NID1: variants seen among roughly 807,000 people sequenced by gnomAD.
NID1 encodes the protein nidogen-1.
Under a neutral mutation model 130.6 loss-of-function variants are expected in NID1, and 76 were observed. The observed-to-expected ratio is 0.58, with a 90% CI of 0.48 to 0.70. The LOEUF is 0.70. Ranked by LOEUF, NID1 falls within the 30% of genes least tolerant of loss-of-function variation. The probability of loss-of-function intolerance (pLI) is 0.00; values close to 1 mark genes in which losing one functional copy is unlikely to be tolerated. For missense variants in NID1, 1,517 were observed against 1,664.8 expected (o/e 0.91, Z 1.54); for synonymous variants, 665 against 675.1 (o/e 0.98, Z 0.23).
intron 1 of NID1, among the ~76,000 whole-genome samples, chr1:236,056,324 G>A (rs999745739): frequency 6.6e-6 from 1 of 152,098 alleles, no homozygotes; most frequent in African/African-American, 2.4e-5. Flanking sequence ...TGTTCGTGAA[G>A]ACCCACTTTA....
intron 1 of NID1, among the ~76,000 whole-genome samples, chr1:236,054,281 C>T (rs887933422): frequency 2.0e-4 from 30 of 152,114 alleles, no homozygotes; most frequent in African/African-American, 7.0e-4. Flanking sequence ...CATGGTGAAA[C>T]CCTGTGTCTA....
chr1:236,042,845 C>T (rs900778281), intron 3 of NID1, among the ~76,000 whole-genome samples: 3 of 152,158 alleles, frequency 2.0e-5, no homozygotes, highest in African/African-American at 7.2e-5. Flanking sequence ...TAGACAGTTT[C>T]AGGATGGGGG....
chr1:235,999,620 TCTTCTTACTCATCTAGTTCGAGCTG>T (rs1442222843), intron 12 of NID1, among the ~76,000 whole-genome samples: 2 of 152,142 alleles, frequency 1.3e-5, no homozygotes, highest in Non-Finnish European at 2.9e-5. Flanking sequence ...CAGACAAGCG[TCTTCTTACTCATCTAGTTCGAGCTG>T]CTAGGGAAGA....
In NID1 at chr1:236,029,789, G is replaced by T. The variant is rs770430025; in HGVS notation, c.1538-39C>A. 4 of 1,604,904 alleles carry T rather than the reference G, an allele frequency of 2.5e-6. No individual in the cohort carries two copies. The South Asian group carries it at 4.4e-5, about 18-fold the overall frequency. ...TGAGACTGTCACTTTGCTGACTGGG[G>T]AGCGCGCCCTTCTGCCCGCCCCAGG... On this transcript the variant is annotated intron_variant, in intron 6 of 19. Coordinates refer to ENST00000264187, the MANE Select transcript of NID1 (RefSeq NM_002508.3).
chr1:236,045,024 C>A (rs546357937), intron 3 of NID1, among the ~76,000 whole-genome samples: 24 of 151,948 alleles, frequency 1.6e-4, no homozygotes, highest in Non-Finnish European at 3.2e-4. Flanking sequence ...CATGGTGAAA[C>A]CCCGTCTCTA....
At chr1:235,990,140 G>A (rs1657687223) in intron 14 of NID1, among the ~76,000 whole-genome samples, 2 of 152,206 alleles carry the variant, frequency 1.3e-5, no homozygotes, top group Admixed American at 1.3e-4. Flanking sequence ...AAGAAGGGAT[G>A]TGGCTGTGTG....
chr1:236,004,335 C>T (rs1658180230), intron 12 of NID1, among the ~76,000 whole-genome samples: 2 of 152,130 alleles, frequency 1.3e-5, no homozygotes, highest in Admixed American at 6.5e-5. Flanking sequence ...CTTTGTGTGG[C>T]AGACAGCAGA....
chr1:236,018,864 C>G (rs1169288682), intron 9 of NID1, among the ~76,000 whole-genome samples: 1 of 152,166 alleles, frequency 6.6e-6, no homozygotes, highest in Admixed American at 6.5e-5. Flanking sequence ...GAATCGTTGA[C>G]ATGTGGGAGT....
At chr1:235,987,102 G>C (rs752660533) in intron 14 of NID1, among the ~76,000 whole-genome samples, 1 of 152,180 alleles carries the variant, frequency 6.6e-6, no homozygotes, top group Non-Finnish European at 1.5e-5. Context: ...CTGGGCTATT[G>C]TTTGGTTTGA....
At chr1:236,050,693 C>T (rs1659741380) in intron 1 of NID1, among the ~76,000 whole-genome samples, 1 of 152,174 alleles carries the variant, frequency 6.6e-6, no homozygotes, top group African/African-American at 2.4e-5. Context: ...AGTCTAACAC[C>T]CTCTCACTTT....
At chr1:236,002,494 CTCTG>C (rs201056349) in intron 12 of NID1, among the ~76,000 whole-genome samples, 1,764 of 148,540 alleles carry the variant, frequency 0.012, 30 homozygotes, top group African/African-American at 0.04. Flanking sequence ...CAGAGCGAGA[CTCTG>C]TCTAAAAACA....
intron 1 of NID1, among the ~76,000 whole-genome samples, chr1:236,057,983 C>CACGT (rs1659942360): frequency 6.6e-6 from 1 of 152,152 alleles, no homozygotes; most frequent in Admixed American, 6.5e-5. Flanking sequence ...ATGGCAGCAG[C>CACGT]ACGTTCCTTG....
intron 9 of NID1, among the ~76,000 whole-genome samples, chr1:236,021,080 T>C (rs1223230392): frequency 1.3e-5 from 2 of 152,164 alleles, no homozygotes; most frequent in East Asian, 3.9e-4. Context: ...TCCAGGAGGC[T>C]TACGAAGTTG....
intron 1 of NID1, among the ~76,000 whole-genome samples, chr1:236,051,492 A>G (rs1329432089): frequency 6.6e-6 from 1 of 152,188 alleles, no homozygotes; most frequent in Non-Finnish European, 1.5e-5. Context: ...AGACTTAACA[A>G]AACTTTCTCT....
chr1:236,041,839 C>T, intron 4 of NID1, 71 bp downstream of exon 4: 2 of 1,524,234 alleles, frequency 1.3e-6, no homozygotes, highest in Non-Finnish European at 1.8e-6. Flanking sequence ...ACTGACATCT[C>T]CCCAGCAGTA....
intron 6 of NID1, 93 bp downstream of exon 6, chr1:236,032,308 C>A: frequency 6.7e-7 from 1 of 1,490,946 alleles, no homozygotes. Context: ...TCTAAGTTGT[C>A]TGCAGACTCA....
rs371961637 is a variant in NID1, at chr1:236,011,925, G to A, written c.2523C>T (p.Pro841=). The A allele has an allele frequency of 1.2e-5, 19 of 1,613,658 alleles. No individual in the cohort carries two copies. The highest frequency in any genetic ancestry group is 6.7e-5 in the Admixed American group (4 of 60,000). Residue 841 remains proline, a synonymous_variant, in exon 12 of 20, where the codon CCC becomes CCT. Transcript: ENST00000264187. ...GYQGDGFRCV[P]GEVEKTRCQH... The stretch of plus-strand genomic sequence containing the variant: ...CCAGATGTCCCACCACCTTACCTCC[G>A]GGCACGCAACGGAAGCCGTCTCCCT...
At chr1:236,013,611 A>G in intron 10 of NID1, 51 bp from the exon 11 acceptor site, 3 of 1,609,702 alleles carry the variant, frequency 1.9e-6, no homozygotes, top group Non-Finnish European at 2.5e-6. Flanking sequence ...TCCCCTGAGC[A>G]GGCCACATGC....
chr1:236,032,126 A>T (rs988999102), intron 6 of NID1, among the ~76,000 whole-genome samples: 3 of 152,202 alleles, frequency 2.0e-5, no homozygotes, highest in Non-Finnish European at 4.4e-5. Context: ...TTCTGCCAGA[A>T]ACGCCTAAAT....
Sources: allele counts gnomAD v4.1 joint callset (sites outside exome capture counted in the v4.1 genomes callset), GRCh38; gene constraint gnomAD v4.1.1; transcripts MANE v1.5; gene names NCBI Gene and HGNC (gene_info 2026-07-23, HGNC 2026-07-21).